Variants in SH2D1A observed in about 807,000 individuals in gnomAD.
SH2D1A encodes SH2 domain containing 1A, also known as SH2 domain-containing protein 1A.
SH2D1A carries 6 observed loss-of-function variants against 10.1 expected under a neutral mutation model. The observed-to-expected ratio is 0.60, with a 90% CI of 0.33 to 1.18. The LOEUF (loss-of-function observed/expected upper bound fraction) is 1.18, where lower values mean the gene tolerates loss of function less well. Ranked by LOEUF, SH2D1A falls within the 50% of genes most tolerant of loss-of-function variation. The pLI is 0.04. For missense variants in SH2D1A, 51 were observed against 97.6 expected (o/e 0.52, Z 2.01); for synonymous variants, 42 against 36.9 (o/e 1.14, Z -0.51).
chrX:124,356,702 A>G (rs2060027396), intron 1 of SH2D1A, among the ~76,000 whole-genome samples: 1 of 111,831 alleles, frequency 8.9e-6, no homozygotes, highest in South Asian at 3.7e-4. Context: ...CTTGTGATCC[A>G]CCCACTTCAG....
intron 1 of SH2D1A, among the ~76,000 whole-genome samples, chrX:124,361,811 G>A (rs1013720276): frequency 1.8e-5 from 2 of 112,039 alleles, no homozygotes; most frequent in African/African-American, 6.5e-5. Context: ...CCTCCTGACT[G>A]CTTATGGTAA....
intron 1 of SH2D1A, among the ~76,000 whole-genome samples, chrX:124,358,235 C>A (rs918490608): frequency 5.4e-5 from 6 of 111,249 alleles, no homozygotes; most frequent in African/African-American, 2.0e-4. Context: ...TTTAGGGGTG[C>A]TTAGGTTAGT....
At chrX:124,371,268 G>A (rs991989064) in intron 3 of SH2D1A, 83 bp from the exon 4 acceptor site, 2 of 661,694 alleles carry the variant, frequency 3.0e-6, no homozygotes, top group Non-Finnish European at 4.8e-6. Flanking sequence ...TTATGCAGTT[G>A]GAAATTTTAT....
chrX:124,370,548 A>G (rs2060066978), intron 3 of SH2D1A, among the ~76,000 whole-genome samples: 1 of 112,322 alleles, frequency 8.9e-6, no homozygotes, highest in Admixed American at 9.5e-5. Flanking sequence ...CTATAAGCCC[A>G]TAACATTTTA....
chrX:124,350,884 A>G (rs1367422026), intron 1 of SH2D1A, among the ~76,000 whole-genome samples: 9 of 61,647 alleles, frequency 1.5e-4, no homozygotes, highest in African/African-American at 5.7e-4. Flanking sequence ...TATATTATAT[A>G]TTGTATATAA....
At chrX:124,350,064 A>G (rs1459877154) in intron 1 of SH2D1A, among the ~76,000 whole-genome samples, 1 of 94,284 alleles carries the variant, frequency 1.1e-5, no homozygotes, top group Non-Finnish European at 2.1e-5. Flanking sequence ...TGCTCTTACA[A>G]TTGTATTCTT....
chrX:124,364,563 GGC>G, intron 1 of SH2D1A: 4 of 171,408 alleles, frequency 2.3e-5, no homozygotes, highest in Non-Finnish European at 4.4e-5. Context: ...GGAGTGCAGT[GGC>G]GTGATCTCGT....
chrX:124,357,954 C>T (rs968461185), intron 1 of SH2D1A, among the ~76,000 whole-genome samples: 5 of 109,919 alleles, frequency 4.5e-5, no homozygotes, highest in African/African-American at 1.7e-4. Context: ...CGAGTAGCTG[C>T]CTTTGCCCAT....
chrX:124,350,253 T>TA (rs1292540098), intron 1 of SH2D1A, among the ~76,000 whole-genome samples: 10 of 34,791 alleles, frequency 2.9e-4, no homozygotes, highest in Non-Finnish European at 3.9e-4. Flanking sequence ...ATATAATATA[T>TA]AATATATAAA....
At chrX:124,364,986 G>A (rs375192835) in intron 1 of SH2D1A, among the ~76,000 whole-genome samples, 6 of 110,460 alleles carry the variant, frequency 5.4e-5, no homozygotes, top group African/African-American at 2.0e-4. Context: ...GTTTAGATAG[G>A]TTTAGATACA....
At chrX:124,365,896 G>C in intron 2 of SH2D1A, 72 bp downstream of exon 2, 2 of 644,696 alleles carry the variant, frequency 3.1e-6, no homozygotes, top group East Asian at 6.5e-5. Context: ...TTTTATAAAA[G>C]AGCAAATTAT....
At chrX:124,363,057 T>C (rs1055248712) in intron 1 of SH2D1A, among the ~76,000 whole-genome samples, 5 of 111,497 alleles carry the variant, frequency 4.5e-5, no homozygotes, top group African/African-American at 1.6e-4. Flanking sequence ...AGAAAGTAAA[T>C]TTCTTTTATT....
intron 1 of SH2D1A, among the ~76,000 whole-genome samples, chrX:124,362,766 C>G (rs1008716338): frequency 1.8e-5 from 2 of 110,819 alleles, no homozygotes; most frequent in Admixed American, 1.9e-4. Flanking sequence ...TTGTGTTCCC[C>G]CATAATATGT....
intron 2 of SH2D1A, among the ~76,000 whole-genome samples, chrX:124,368,761 T>C (rs2060062175): frequency 8.9e-6 from 1 of 112,517 alleles, no homozygotes; most frequent in Non-Finnish European, 1.9e-5. Context: ...AGGCAAGAGA[T>C]AGGAATGTGC....
chrX:124,365,082 C>T (rs746304671), intron 1 of SH2D1A, among the ~76,000 whole-genome samples: 2 of 110,613 alleles, frequency 1.8e-5, no homozygotes, highest in Non-Finnish European at 3.8e-5. Context: ...TAGGCTATAC[C>T]ACATAGCCTA....
At chrX:124,357,875 A>T (rs748170544) in intron 1 of SH2D1A, among the ~76,000 whole-genome samples, 1 of 108,920 alleles carries the variant, frequency 9.2e-6, no homozygotes, top group East Asian at 2.9e-4. Context: ...GCTGGAGTGC[A>T]GTGGCGCGAT....
At chrX:124,358,293 A>C (rs1181118163) in intron 1 of SH2D1A, among the ~76,000 whole-genome samples, 1 of 111,594 alleles carries the variant, frequency 9.0e-6, no homozygotes, top group Non-Finnish European at 1.9e-5. Flanking sequence ...AATCTTTGTC[A>C]AATTGCGTTT....
At chrX:124,366,354 G>C (rs1367061972) in intron 2 of SH2D1A, among the ~76,000 whole-genome samples, 1 of 110,924 alleles carries the variant, frequency 9.0e-6, no homozygotes, top group Non-Finnish European at 1.9e-5. Flanking sequence ...CAGGTTACTT[G>C]ACTTTTCTGT....
intron 1 of SH2D1A, among the ~76,000 whole-genome samples, chrX:124,363,457 G>T (rs732202): frequency 3.6e-5 from 4 of 110,352 alleles, no homozygotes; most frequent in Non-Finnish European, 3.8e-5. Flanking sequence ...ATACAATGGT[G>T]GTCCCATAAG....
Sources: gnomAD v4.1 joint callset for allele counts (sites outside exome capture counted in the v4.1 genomes callset) on GRCh38, gnomAD v4.1.1 for gene constraint, MANE v1.5 for transcripts, NCBI Gene and HGNC (gene_info 2026-07-23, HGNC 2026-07-21) for gene names.